Variants in ARHGEF10 observed in about 807,000 individuals in gnomAD.
ARHGEF10 encodes the protein Rho guanine nucleotide exchange factor (GEF) 10.
In ARHGEF10, 140 loss-of-function variants were observed where a neutral mutation model predicts 147.4. The observed-to-expected ratio is 0.95, with a 90% CI of 0.83 to 1.09. The LOEUF (loss-of-function observed/expected upper bound fraction) is 1.09, where lower values mean the gene tolerates loss of function less well. Ranked by LOEUF, ARHGEF10 falls within the 50% of genes least tolerant of loss-of-function variation. The pLI is 0.00. For missense variants in ARHGEF10, 2,222 were observed against 1,752.7 expected, an observed-to-expected ratio of 1.27 and a Z score of -4.78; for synonymous variants, 902 against 695.8, an observed-to-expected ratio of 1.30 and a Z score of -4.67.
At chr8:1,840,377 ACTGTCTGGTGTGGAAG>A (rs1803927471) in intron 1 of ARHGEF10, among the ~76,000 whole-genome samples, 1 of 117,550 alleles carries the variant, frequency 8.5e-6, no homozygotes, top group Non-Finnish European at 1.7e-5. Context: ...CGATATGGGG[ACTGTCTGGTGTGGAAG>A]CTGTCTGGTG....
Position 1,957,361 on chromosome 8 carries a change from G to T in ARHGEF10, c.*98G>T. On this transcript the variant is annotated 3_prime_UTR_variant, in exon 29 of 29. Coordinates refer to ENST00000349830, the MANE Select transcript of ARHGEF10 (RefSeq NM_014629.4). ...GGTTAAGCTGTGTCTACACTGGTTG[G>T]GAATAAATTAAAAACAGTATTTGGG... The T allele has an allele frequency of 6.7e-7, 1 of 1,502,332 alleles. No individual in the cohort carries two copies. 93.1% of individuals were successfully genotyped at this position (1,502,332 alleles called of 1,614,324 possible). A position where few individuals can be genotyped will look rare whatever the true frequency, so the allele number is the denominator to read the frequency against.
rs201058305 is a variant in ARHGEF10 at position 1,929,440 on chromosome 8, C to T, written c.3076C>T (p.Pro1026Ser). ...NGAVASYARA[P>S]DGSWDSEPQK... Reference sequence around the variant, plus strand: ...GGCAGTCGCCAGCTACGCCAGAGCCCCAGGTGAGGCGGGTCTCACGGCCTC... The same window carrying T: ...GGCAGTCGCCAGCTACGCCAGAGCCTCAGGTGAGGCGGGTCTCACGGCCTC... The change falls in exon 25 of 29, where the codon CCA becomes TCA. Residue 1026 changes from proline to serine, a missense_variant. By Grantham distance (74) the Pro-to-Ser change is moderately conservative (BLOSUM62 -1). Transcript: ENST00000349830. The T allele has an allele frequency of 8.1e-6, 13 of 1,605,878 alleles. No homozygotes were observed. The highest frequency in any genetic ancestry group is 1.1e-5 in the Non-Finnish European group (13 of 1,175,932).
intron 26 of ARHGEF10, among the ~76,000 whole-genome samples, chr8:1,938,164 T>C (rs1813776965): frequency 6.7e-6 from 1 of 148,948 alleles, no homozygotes; most frequent in South Asian, 2.1e-4. Flanking sequence ...GAAGTATCTC[T>C]TTTTCTCCAA....
At position 1,926,466 on chromosome 8, in the gene ARHGEF10, A is replaced by C; in HGVS notation, c.2697+3A>C. 1 of 1,613,208 alleles carries C rather than the reference A, an allele frequency of 6.2e-7. No homozygotes were observed. The highest frequency in any genetic ancestry group is 8.5e-7 in the Non-Finnish European group (1 of 1,179,130). ...CCACGGCACATGGTTTCCTGTGGGT[A>C]AGATGTGTTTATTTGGTTTTGGTAC... On this transcript the variant is annotated splice_donor_region_variant and intron_variant, in intron 23 of 28. Coordinates refer to ENST00000349830, the MANE Select transcript of ARHGEF10 (RefSeq NM_014629.4).
upstream of ARHGEF10, among the ~76,000 whole-genome samples, chr8:1,823,637 G>A (rs1411548876): frequency 6.6e-6 from 1 of 152,000 alleles, no homozygotes; most frequent in East Asian, 2.0e-4. Context: ...GAGGGCACTC[G>A]GTCTGCCCAG....
In ARHGEF10 at chr8:1,882,728, A is replaced by G. The variant is rs781424932; in HGVS notation, c.1054A>G (p.Thr352Ala). 3.3e-6 allele frequency: 5 copies of G among 1,533,760 alleles called. No individual in the cohort carries two copies. In the South Asian group the frequency reaches 6.0e-5, roughly 18 times the overall value. The change falls in exon 10 of 29, where the codon ACC (threonine) becomes GCC (alanine). Residue 352 changes from threonine to alanine, a missense_variant. By Grantham distance (58) the Thr-to-Ala change is moderately conservative. Transcript: ENST00000349830. ...AVKRGRSFIR[T>A]KSLIAQDHRS... ...GAAGAGGGGCCGCTCCTTCATCAGGACCAAGTCTCTCATCGCACAGGGTCC... is the reference window on the plus strand; with the variant it reads ...GAAGAGGGGCCGCTCCTTCATCAGGGCCAAGTCTCTCATCGCACAGGGTCC...
chr8:1,915,894 G>A (rs1811726452), intron 18 of ARHGEF10, among the ~76,000 whole-genome samples: 1 of 152,182 alleles, frequency 6.6e-6, no homozygotes, highest in African/African-American at 2.4e-5. Flanking sequence ...TGTGAACTTA[G>A]ACGCCGATGC....
chr8:1,843,298 T>G (rs1256417277), intron 1 of ARHGEF10, 55 bp from the exon 2 acceptor site: 1 of 1,402,508 alleles, frequency 7.1e-7, no homozygotes, highest in Non-Finnish European at 9.9e-7. Context: ...CTACACCTAT[T>G]GAGTGCATGT....
At chr8:1,912,605 T>G (rs1811452530) in intron 18 of ARHGEF10, among the ~76,000 whole-genome samples, 1 of 116,488 alleles carries the variant, frequency 8.6e-6, no homozygotes, top group South Asian at 2.3e-4. Context: ...ATCGCGGGTT[T>G]GCTCTGTGGT....
chr8:1,864,578 G>A (rs1806426769), intron 5 of ARHGEF10, 142 bp downstream of exon 5: 2 of 822,062 alleles, frequency 2.4e-6, no homozygotes, highest in East Asian at 2.6e-5. Context: ...TCCTGCCTCG[G>A]GTCCCTCCCA....
intron 14 of ARHGEF10, 139 bp downstream of exon 14, chr8:1,896,588 A>G (rs1809994292): frequency 5.5e-6 from 4 of 726,990 alleles, no homozygotes; most frequent in Admixed American, 2.4e-5. Context: ...AATGCTAGAA[A>G]TGAAGATGAA....
chr8:1,916,034 G>T (rs904044183), intron 18 of ARHGEF10, among the ~76,000 whole-genome samples: 1 of 152,232 alleles, frequency 6.6e-6, no homozygotes, highest in African/African-American at 2.4e-5. Context: ...ATGGGGATGG[G>T]CCAGATGAGT....
At chr8:1,901,431 C>T (rs753575362) in intron 15 of ARHGEF10, among the ~76,000 whole-genome samples, 2 of 152,236 alleles carry the variant, frequency 1.3e-5, no homozygotes, top group South Asian at 2.1e-4. Context: ...GGCAGTGAAA[C>T]CGGCTCACCC....
At chr8:1,881,191 CT>C in intron 9 of ARHGEF10, among the ~76,000 whole-genome samples, 2 of 152,268 alleles carry the variant, frequency 1.3e-5, no homozygotes, top group East Asian at 3.9e-4. Flanking sequence ...AGCACGCTCG[CT>C]TCCCCTGGTG....
intron 25 of ARHGEF10, among the ~76,000 whole-genome samples, chr8:1,931,939 C>G (rs565902040): frequency 6.6e-6 from 1 of 152,226 alleles, no homozygotes; most frequent in Non-Finnish European, 1.5e-5. Flanking sequence ...AAACCTTAAC[C>G]GAGGGAAACG....
At chr8:1,908,276 G>C (rs1227621127) in intron 17 of ARHGEF10, among the ~76,000 whole-genome samples, 1 of 143,934 alleles carries the variant, frequency 6.9e-6, no homozygotes, top group East Asian at 2.0e-4. Context: ...TGTCACCCAG[G>C]CTGGAGTGCT....
intron 1 of ARHGEF10, among the ~76,000 whole-genome samples, chr8:1,838,116 T>C (rs1489421909): frequency 1.3e-5 from 2 of 152,224 alleles, no homozygotes. Flanking sequence ...TGGTGCACCG[T>C]GGAAGGAACA....
intron 4 of ARHGEF10, among the ~76,000 whole-genome samples, chr8:1,860,406 T>C (rs527621877): frequency 2.4e-5 from 3 of 125,896 alleles, no homozygotes; most frequent in South Asian, 5.3e-4. Flanking sequence ...CCTCCTCCTC[T>C]CCATGCCCCC....
At chr8:1,893,497 G>C in intron 11 of ARHGEF10, 72 bp from the exon 12 acceptor site, 1 of 1,007,032 alleles carries the variant, frequency 9.9e-7, no homozygotes, top group South Asian at 1.3e-5. Flanking sequence ...GCAAGCCTCA[G>C]CATAGAAGTA....
Sources: allele counts gnomAD v4.1 joint callset (sites outside exome capture counted in the v4.1 genomes callset), GRCh38; gene constraint gnomAD v4.1.1; transcripts MANE v1.5; gene names NCBI Gene and HGNC (gene_info 2026-07-23, HGNC 2026-07-21).